Variants in TRDMT1 observed in about 807,000 individuals in gnomAD.
TRDMT1 encodes the protein tRNA (cytosine(38)-C(5))-methyltransferase.
In TRDMT1, 49 loss-of-function variants were observed where a neutral mutation model predicts 51.2. The ratio of observed to expected loss-of-function variants is 0.96; its 90% CI spans 0.76 to 1.21. TRDMT1 has a LOEUF of 1.21. Among genes scored for constraint, TRDMT1 ranks in the 50% most tolerant of loss-of-function variants. The pLI is 0.00. For synonymous variants in TRDMT1, 187 were observed against 164.6 expected (o/e 1.14, Z -1.04); for missense variants, 534 against 462.3 (o/e 1.16, Z -1.42).
intron 4 of TRDMT1, 87 bp downstream of exon 4, chr10:17,162,079 A>G: frequency 8.5e-7 from 1 of 1,172,908 alleles, no homozygotes; most frequent in Non-Finnish European, 1.3e-6. Flanking sequence ...ATAAATGGCT[A>G]TCCTCTACAA....
chr10:17,191,835 C>A (rs372182515), intron 1 of TRDMT1, among the ~76,000 whole-genome samples: 12 of 152,290 alleles, frequency 7.9e-5, no homozygotes, highest in Admixed American at 5.9e-4. Context: ...GCTACCTACA[C>A]ACACAAGTCA....
chr10:17,156,614 A>C (rs924620253), intron 8 of TRDMT1, among the ~76,000 whole-genome samples: 1 of 152,180 alleles, frequency 6.6e-6, no homozygotes. Context: ...ATGTTCAAGT[A>C]ATAACCCAAA....
chr10:17,144,865 T>C lies in TRDMT1; in HGVS notation c.*4175A>G, dbSNP rs1438492269. The C allele has an allele frequency of 2.0e-6, 2 of 984,496 alleles. No homozygotes were observed. Among genetic ancestry groups the C allele is most frequent in the Non-Finnish European group, 2.4e-6 (2 of 829,774 alleles). The allele number at this position is 984,496 out of a possible 1,614,324, so 61.0% of individuals were successfully genotyped here. Reference sequence around the variant, plus strand: ...AAATTTCACCAGCAAAGACAAGAAATAGTGAAAGGGAAAATGATGCACACA... The same window carrying C: ...AAATTTCACCAGCAAAGACAAGAAACAGTGAAAGGGAAAATGATGCACACA... On this transcript the variant is annotated 3_prime_UTR_variant, in exon 11 of 11. Transcript: ENST00000377799.
Position 17,154,746 on chromosome 10 carries a change from A to G in TRDMT1, c.888-12T>C. The G allele has an allele frequency of 1.3e-6, 2 of 1,599,606 alleles. No homozygotes were observed. The highest frequency in any genetic ancestry group is 1.3e-5 in the African/African-American group (1 of 74,222). On this transcript the variant is annotated splice_polypyrimidine_tract_variant and intron_variant, in intron 8 of 10. Coordinates refer to ENST00000377799, the MANE Select transcript of TRDMT1 (RefSeq NM_004412.7). ...TGTAGCTTCCATATCTGAAAAATCA[A>G]CACAACAATTATGCAGCACCTGATG...
At chr10:17,174,812 C>A in intron 1 of TRDMT1, 152 bp from the exon 2 acceptor site, 1 of 626,974 alleles carries the variant, frequency 1.6e-6, no homozygotes, top group South Asian at 2.0e-5. Flanking sequence ...CCAGGGGAAG[C>A]CAGGCATGAA....
At chr10:17,191,763 C>G (rs1564342593) in intron 1 of TRDMT1, among the ~76,000 whole-genome samples, 1 of 152,052 alleles carries the variant, frequency 6.6e-6, no homozygotes. Flanking sequence ...TCTTCTGGCT[C>G]CTTTCTCATC....
At chr10:17,151,699 A>C in intron 10 of TRDMT1, 6 of 880,118 alleles carry the variant, frequency 6.8e-6, no homozygotes, top group Non-Finnish European at 6.8e-6. Context: ...TAAAATTTTA[A>C]AAAATGAGAA....
At chr10:17,163,007 A>C (rs1840637869) in intron 3 of TRDMT1, among the ~76,000 whole-genome samples, 1 of 152,176 alleles carries the variant, frequency 6.6e-6, no homozygotes, top group Non-Finnish European at 1.5e-5. Flanking sequence ...CAGAGGAACG[A>C]ACTGCTGAAT....
Position 17,143,047 on chromosome 10 carries a change from T to C in TRDMT1, c.*5993A>G. 1.0e-6 allele frequency: 1 copy of C among 985,450 alleles called. No homozygotes were observed. The highest frequency in any genetic ancestry group is 1.2e-6 in the Non-Finnish European group (1 of 829,920). 61.0% of individuals were successfully genotyped at this position (985,450 alleles called of 1,614,324 possible). On this transcript the variant is annotated 3_prime_UTR_variant, in exon 11 of 11. Transcript: ENST00000377799. ...AAGCCAAAAGCCTATCCCAGAATTATTTTTTAAATCATGTGTTCCAGACTT... is the reference window on the plus strand; with the variant it reads ...AAGCCAAAAGCCTATCCCAGAATTACTTTTTAAATCATGTGTTCCAGACTT...
rs1274110389 is a variant in TRDMT1, at chr10:17,157,823, C to T, written c.544-39G>A. ...AAAATACACAAATTGTCAAAAGTTG[C>T]ATTAAAAATAAGAGAAATTAACAAT... On this transcript the variant is annotated intron_variant, in intron 7 of 10. Transcript: ENST00000377799. 3 of 1,452,208 alleles carry T rather than the reference C, an allele frequency of 2.1e-6. No homozygotes were observed. The East Asian group carries it at 6.9e-5, about 33-fold the overall frequency. The allele number at this position is 1,452,208 out of a possible 1,614,324, so 90.0% of individuals were successfully genotyped here. A position where few individuals can be genotyped will look rare whatever the true frequency, so the allele number is the denominator to read the frequency against.
intron 1 of TRDMT1, among the ~76,000 whole-genome samples, chr10:17,175,097 A>C (rs922952891): frequency 6.6e-6 from 1 of 152,238 alleles, no homozygotes; most frequent in Admixed American, 6.5e-5. Flanking sequence ...GTTGCTTCAC[A>C]GTACCATTGA....
Position 17,146,321 on chromosome 10 carries a change from C to T in TRDMT1, c.*2719G>A. On this transcript the variant is annotated 3_prime_UTR_variant, in exon 11 of 11. Transcript: ENST00000377799. ...CATCTTTCCAGACATAGGGCAGTGCCCATGGTGAAGGTCTGATTTCACAGA... is the reference window on the plus strand; with the variant it reads ...CATCTTTCCAGACATAGGGCAGTGCTCATGGTGAAGGTCTGATTTCACAGA... 1.0e-6 allele frequency: 1 copy of T among 985,388 alleles called. No individual in the cohort carries two copies. The highest frequency in any genetic ancestry group is 1.2e-6 in the Non-Finnish European group (1 of 829,922). 61.0% of individuals were successfully genotyped at this position (985,388 alleles called of 1,614,324 possible).
At chr10:17,177,735 C>T (rs1039619424) in intron 1 of TRDMT1, among the ~76,000 whole-genome samples, 5 of 151,710 alleles carry the variant, frequency 3.3e-5, no homozygotes, top group African/African-American at 1.2e-4. Flanking sequence ...CACACACACA[C>T]ACACACACAC....
chr10:17,158,646 T>C (rs1225319937), intron 7 of TRDMT1, among the ~76,000 whole-genome samples: 1 of 152,174 alleles, frequency 6.6e-6, no homozygotes, highest in African/African-American at 2.4e-5. Flanking sequence ...ATTCTTTCTG[T>C]AGCAATTAAG....
chr10:17,146,860 GAAT>G lies in TRDMT1; in HGVS notation c.*2177_*2179del. On this transcript the variant is annotated 3_prime_UTR_variant, in exon 11 of 11. Transcript: ENST00000377799. ...ATGCATACATATACATCTGCTAATT[GAAT>G]GACACTGGTAGATACATCTTCATTA... 1.0e-6 allele frequency: 1 copy of G among 985,290 alleles called. No individual in the cohort carries two copies. 61.0% of individuals were successfully genotyped at this position (985,290 alleles called of 1,614,324 possible).
intron 1 of TRDMT1, among the ~76,000 whole-genome samples, chr10:17,177,713 A>AACACACACACAC (rs372220525): frequency 0.17 from 24,793 of 146,822 alleles, 2,640 homozygotes; most frequent in Middle Eastern, 0.3. Context: ...ATAGACAAGA[A>AACACACACACAC]ACACACACAC....
intron 3 of TRDMT1, among the ~76,000 whole-genome samples, chr10:17,163,006 G>T (rs914698600): frequency 6.6e-6 from 1 of 152,124 alleles, no homozygotes; most frequent in African/African-American, 2.4e-5. Context: ...TCAGAGGAAC[G>T]AACTGCTGAA....
At chr10:17,184,685 C>T (rs1464290468) in intron 1 of TRDMT1, among the ~76,000 whole-genome samples, 1 of 152,070 alleles carries the variant, frequency 6.6e-6, no homozygotes, top group African/African-American at 2.4e-5. Flanking sequence ...TTGCACTAGG[C>T]CAGAAAGTAT....
rs111303184 is a variant in TRDMT1 at position 17,175,673 on chromosome 10, GAA to G, written c.65-1015_65-1014del. 2.3e-5 allele frequency among the ~76,000 whole-genome samples: 3 copies of G among 128,850 alleles called. No homozygotes were observed. In the Admixed American group the frequency reaches 2.3e-4, roughly 10 times the overall value. The allele number at this position is 128,850 out of a possible 152,430, so 84.5% of individuals were successfully genotyped here. A position where few individuals can be genotyped will look rare whatever the true frequency, so the allele number is the denominator to read the frequency against. ...TAGCTTACCCCAAATATCAAAAAAGGAAAAAAAAAAAAAAAGAGTGGTGTGAG... is the reference window on the plus strand; with the variant it reads ...TAGCTTACCCCAAATATCAAAAAAGGAAAAAAAAAAAAAGAGTGGTGTGAG... On this transcript the variant is annotated intron_variant, in intron 1 of 10. Coordinates refer to ENST00000377799, the MANE Select transcript of TRDMT1 (RefSeq NM_004412.7).
Sources: gnomAD v4.1 joint callset for allele counts (sites outside exome capture counted in the v4.1 genomes callset) on GRCh38, gnomAD v4.1.1 for gene constraint, MANE v1.5 for transcripts, NCBI Gene and HGNC (gene_info 2026-07-23, HGNC 2026-07-21) for gene names.